The following MACROD2 variants were observed in gnomAD, a reference collection of about 807,000 sequenced individuals.
MACROD2 encodes the protein mono-ADP ribosylhydrolase 2.
Under a neutral mutation model 70.4 loss-of-function variants are expected in MACROD2, and 36 were observed. The observed-to-expected ratio is 0.51, with a 90% CI of 0.39 to 0.68. The LOEUF (loss-of-function observed/expected upper bound fraction) is 0.68. MACROD2 is among the 30% of genes least tolerant of loss of function. MACROD2 has a pLI of 0.00. For missense variants in MACROD2, 496 were observed against 538.4 expected (o/e 0.92, Z 0.78); for synonymous variants, 172 against 178.8 (o/e 0.96, Z 0.30).
chr20:15,641,928 A>G (rs6034240), intron 8 of MACROD2, among the ~76,000 whole-genome samples: 27,747 of 152,158 alleles, frequency 0.18, 2,736 homozygotes, highest in African/African-American at 0.25. Flanking sequence ...AGTAAAACTC[A>G]TTCTAATGTA....
In MACROD2 at chr20:15,045,744, T is replaced by TC. The variant is rs1555777170; in HGVS notation, c.419-184193dup. ...GTTTTTTTTTTTTTTTTTTTTTTTT[T>TC]CCCTTTCTGATAACACACCACACTT... On this transcript the variant is annotated intron_variant, in intron 5 of 17. Transcript: ENST00000684519. 4.9e-3 allele frequency among the ~76,000 whole-genome samples: 663 copies of TC among 134,566 alleles called. 6 individuals carry two copies. The highest frequency in any genetic ancestry group is 0.019 in the African/African-American group (621 of 32,050). 88.3% of individuals were successfully genotyped at this position (134,566 alleles called of 152,430 possible). A position where few individuals can be genotyped will look rare whatever the true frequency, so the allele number is the denominator to read the frequency against.
chr20:15,149,355 G>A (rs1734914), intron 5 of MACROD2, among the ~76,000 whole-genome samples: 92,866 of 151,778 alleles, frequency 0.61, 28,712 homozygotes, highest in African/African-American at 0.66. Flanking sequence ...GCCTGGTGGA[G>A]CTGCCATCAG....
At chr20:15,060,528 C>T (rs892603053) in intron 5 of MACROD2, among the ~76,000 whole-genome samples, 3 of 152,148 alleles carry the variant, frequency 2.0e-5, no homozygotes, top group Admixed American at 1.3e-4. Context: ...GGCTGGGCAC[C>T]CTTGGCTTCT....
chr20:14,084,370 G>T (rs573136152), intron 2 of MACROD2, among the ~76,000 whole-genome samples: 1 of 152,190 alleles, frequency 6.6e-6, no homozygotes, highest in South Asian at 2.1e-4. Flanking sequence ...AAAAATGAGA[G>T]TGTCTCAGTG....
intron 3 of MACROD2, among the ~76,000 whole-genome samples, chr20:14,110,735 A>G (rs1336807362): frequency 6.6e-6 from 1 of 152,044 alleles, no homozygotes; most frequent in African/African-American, 2.4e-5. Context: ...CACACACACA[A>G]AATGGAAAGA....
chr20:15,437,372 A>T (rs1387117944), intron 7 of MACROD2, among the ~76,000 whole-genome samples: 1 of 152,156 alleles, frequency 6.6e-6, no homozygotes, highest in Non-Finnish European at 1.5e-5. Context: ...TCCCTTCCTG[A>T]AACTTACTCC....
At chr20:15,002,972 G>A (rs1320677974) in intron 5 of MACROD2, among the ~76,000 whole-genome samples, 1 of 152,136 alleles carries the variant, frequency 6.6e-6, no homozygotes, top group African/African-American at 2.4e-5. Flanking sequence ...TGTACAGTGT[G>A]TGTTACTTCC....
chr20:15,813,850 T>C (rs1299286560), intron 8 of MACROD2, among the ~76,000 whole-genome samples: 2 of 152,184 alleles, frequency 1.3e-5, no homozygotes, highest in African/African-American at 2.4e-5. Flanking sequence ...CATGTGTACA[T>C]AGGGAAGAAA....
chr20:15,963,988 A>G (rs6080057), intron 12 of MACROD2, among the ~76,000 whole-genome samples: 11,896 of 152,282 alleles, frequency 0.078, 586 homozygotes, highest in East Asian at 0.25. Context: ...TTTGAAAGTC[A>G]GAAGCTACAT....
intron 3 of MACROD2, among the ~76,000 whole-genome samples, chr20:14,091,101 T>C (rs1312801868): frequency 6.6e-6 from 1 of 152,230 alleles, no homozygotes; most frequent in African/African-American, 2.4e-5. Context: ...GTTATTTGTT[T>C]TCTTGCTGTT....
chr20:15,443,982 T>C (rs1568812363), intron 7 of MACROD2, among the ~76,000 whole-genome samples: 1 of 152,200 alleles, frequency 6.6e-6, no homozygotes, highest in Non-Finnish European at 1.5e-5. Context: ...TAAAGCGGTT[T>C]TATTAAACTG....
rs114143002 is a variant in MACROD2 at position 14,665,237 on chromosome 20, A to G, written c.302-19606A>G. On this transcript the variant is annotated intron_variant, in intron 4 of 17. Coordinates refer to ENST00000684519, the MANE Select transcript of MACROD2 (RefSeq NM_001351661.2). ...TAAAAGAGTGAATGAAATATGTAATAGAGTAACTTATTGAATGGCAGCTTA... is the reference window on the plus strand; with the variant it reads ...TAAAAGAGTGAATGAAATATGTAATGGAGTAACTTATTGAATGGCAGCTTA... Among the ~76,000 whole-genome samples, 932 of 152,264 alleles carry G rather than the reference A, an allele frequency of 6.1e-3. 9 individuals carry two copies. Among genetic ancestry groups the G allele is most frequent in the African/African-American group, 0.02 (838 of 41,568 alleles).
intron 3 of MACROD2, among the ~76,000 whole-genome samples, chr20:14,386,248 G>T (rs2083466826): frequency 6.6e-6 from 1 of 152,126 alleles, no homozygotes; most frequent in African/African-American, 2.4e-5. Context: ...GTACAGCTAT[G>T]GTGCACAGTA....
intron 8 of MACROD2, among the ~76,000 whole-genome samples, chr20:15,784,642 TAAC>T (rs1284819469): frequency 1.3e-5 from 2 of 152,072 alleles, no homozygotes; most frequent in African/African-American, 2.4e-5. Context: ...CAAAATAAAA[TAAC>T]AATAAAACGT....
At chr20:14,691,550 G>A (rs1490577566) in intron 5 of MACROD2, among the ~76,000 whole-genome samples, 1 of 152,196 alleles carries the variant, frequency 6.6e-6, no homozygotes, top group Non-Finnish European at 1.5e-5. Flanking sequence ...AGAGTATTAG[G>A]AAGCAAATCT....
intron 9 of MACROD2, among the ~76,000 whole-genome samples, chr20:15,866,908 A>G (rs994922386): frequency 2.0e-5 from 3 of 152,222 alleles, no homozygotes; most frequent in African/African-American, 7.2e-5. Flanking sequence ...TAGCATCTAC[A>G]GGACAAGATG....
At chr20:15,592,053 G>A (rs1237394420) in intron 8 of MACROD2, among the ~76,000 whole-genome samples, 1 of 152,162 alleles carries the variant, frequency 6.6e-6, no homozygotes, top group Non-Finnish European at 1.5e-5. Flanking sequence ...TCAAGTGTAA[G>A]ACCTCTCACG....
At chr20:14,462,596 T>A (rs1469961481) in intron 3 of MACROD2, among the ~76,000 whole-genome samples, 1 of 118,210 alleles carries the variant, frequency 8.5e-6, no homozygotes, top group Non-Finnish European at 1.9e-5. Context: ...GTTTTAGACA[T>A]GAAGTCCTTG....
intron 2 of MACROD2, among the ~76,000 whole-genome samples, chr20:14,046,180 C>CT (rs35032768): frequency 6.6e-6 from 1 of 152,032 alleles, no homozygotes; most frequent in Admixed American, 6.6e-5. Flanking sequence ...CTAAGAGAAC[C>CT]TTTTTTAGCA....
Sources: allele counts gnomAD v4.1 joint callset (sites outside exome capture counted in the v4.1 genomes callset), GRCh38; gene constraint gnomAD v4.1.1; transcripts MANE v1.5; gene names NCBI Gene and HGNC (gene_info 2026-07-23, HGNC 2026-07-21).